NOX3: variants seen among roughly 807,000 people sequenced by gnomAD.
NOX3 encodes the protein NADPH oxidase 3.
A neutral mutation model predicts 76.7 loss-of-function variants in NOX3; 74 were observed. That is an observed-to-expected ratio of 0.96 (90% confidence interval 0.80 to 1.17). The LOEUF is 1.17. NOX3 is among the 50% of genes most tolerant of loss of function. NOX3 has a pLI of 0.00. For synonymous variants in NOX3, 263 were observed against 261.1 expected (o/e 1.01, Z -0.07); for missense variants, 695 against 703.3 (o/e 0.99, Z 0.13).
chr6:155,419,175 G>A (rs892809234), intron 10 of NOX3, among the ~76,000 whole-genome samples: 1 of 152,180 alleles, frequency 6.6e-6, no homozygotes, highest in Non-Finnish European at 1.5e-5. Flanking sequence ...AGTTACATAA[G>A]CCTAATAGTA....
chr6:155,444,891 A>C (rs1352004846), intron 4 of NOX3, among the ~76,000 whole-genome samples: 1 of 152,152 alleles, frequency 6.6e-6, no homozygotes, highest in Non-Finnish European at 1.5e-5. Context: ...TTCACACATA[A>C]ATTTGCATGT....
chr6:155,421,543 C>T (rs1347502986), intron 10 of NOX3, among the ~76,000 whole-genome samples: 2 of 152,252 alleles, frequency 1.3e-5, no homozygotes, highest in Non-Finnish European at 2.9e-5. Flanking sequence ...ATAGATGAAA[C>T]AAAACTGAAT....
intron 5 of NOX3, among the ~76,000 whole-genome samples, chr6:155,441,956 A>G (rs1165069593): frequency 6.6e-6 from 1 of 152,224 alleles, no homozygotes; most frequent in Non-Finnish European, 1.5e-5. Context: ...TGCTTCCAAT[A>G]GCTGTCAGCT....
intron 9 of NOX3, among the ~76,000 whole-genome samples, chr6:155,426,956 G>A (rs1351306825): frequency 7.3e-6 from 1 of 137,346 alleles, no homozygotes; most frequent in Non-Finnish European, 1.5e-5. Flanking sequence ...GGGAGAGCAG[G>A]GACCGAGAAA....
chr6:155,451,516 T>C (rs1777139520), intron 4 of NOX3, among the ~76,000 whole-genome samples: 1 of 152,242 alleles, frequency 6.6e-6, no homozygotes. Context: ...TTCTAATGCA[T>C]TGGTATTATT....
At chr6:155,444,407 T>A (rs1470556894) in intron 4 of NOX3, among the ~76,000 whole-genome samples, 2 of 152,216 alleles carry the variant, frequency 1.3e-5, no homozygotes, top group African/African-American at 2.4e-5. Flanking sequence ...TCCCAGTGTT[T>A]GTGTGCGAGT....
intron 9 of NOX3, among the ~76,000 whole-genome samples, chr6:155,423,328 T>C (rs1343439610): frequency 6.6e-6 from 1 of 152,186 alleles, no homozygotes; most frequent in Non-Finnish European, 1.5e-5. Flanking sequence ...CACATCTTAG[T>C]AGGTTTATGT....
At position 155,453,462 on chromosome 6, in the gene NOX3, T is replaced by G. The variant is rs570503952; in HGVS notation, c.282A>C (p.Gln94His). 1.2e-6 allele frequency: 2 copies of G among 1,613,880 alleles called. No homozygotes were observed. The highest frequency in any genetic ancestry group is 2.2e-5 in the East Asian group (1 of 44,868). ...SICCRGPWRR[Q>H]LDKNLRFHKL... is the part of the protein sequence containing the mutation. Reference sequence around the variant, plus strand: ...TGTGAAATCTGAGGTTTTTGTCTAATTGCCTCCTCCACGGTCCTCTGCAGC... The same window carrying G: ...TGTGAAATCTGAGGTTTTTGTCTAAGTGCCTCCTCCACGGTCCTCTGCAGC... Residue 94 changes from glutamine to histidine, a missense_variant, in exon 4 of 14, where the codon CAA becomes CAC. Gln to His is a conservative substitution (Grantham distance 24). Transcript: ENST00000159060.
chr6:155,419,765 TG>T (rs1431333911), intron 10 of NOX3, among the ~76,000 whole-genome samples: 2 of 152,202 alleles, frequency 1.3e-5, no homozygotes, highest in African/African-American at 4.8e-5. Context: ...ATTAAGATTT[TG>T]TAGGCTCCTG....
intron 4 of NOX3, among the ~76,000 whole-genome samples, chr6:155,448,728 T>C (rs1029733542): frequency 1.3e-5 from 2 of 152,100 alleles, no homozygotes; most frequent in African/African-American, 4.8e-5. Flanking sequence ...TTTCATTTTA[T>C]TTTTCAGGAG....
chr6:155,445,996 T>TATATGCTATATATATATATATATAA (rs1554264831), intron 4 of NOX3, among the ~76,000 whole-genome samples: 1 of 134,388 alleles, frequency 7.4e-6, no homozygotes, highest in Non-Finnish European at 1.6e-5. Context: ...TATATATATA[T>TATATGCTATATATATATATATATAA]AATATATATA....
chr6:155,452,392 A>T (rs1350993304), intron 4 of NOX3, among the ~76,000 whole-genome samples: 1 of 152,054 alleles, frequency 6.6e-6, no homozygotes, highest in Admixed American at 6.5e-5. Flanking sequence ...CCTCCCCTTT[A>T]TCTCTGAGCT....
chr6:155,398,079 C>T (rs535612901), intron 12 of NOX3, among the ~76,000 whole-genome samples: 3 of 152,134 alleles, frequency 2.0e-5, no homozygotes, highest in African/African-American at 4.8e-5. Flanking sequence ...TGTCTTTTTT[C>T]TCTTGTCTTG....
chr6:155,402,752 T>C (rs1279577663), intron 12 of NOX3, among the ~76,000 whole-genome samples: 1 of 152,214 alleles, frequency 6.6e-6, no homozygotes, highest in Non-Finnish European at 1.5e-5. Flanking sequence ...AAACTCCAGC[T>C]TTGAGTGAAC....
intron 4 of NOX3, among the ~76,000 whole-genome samples, chr6:155,445,285 G>T (rs1430374933): frequency 6.6e-6 from 1 of 152,220 alleles, no homozygotes; most frequent in Admixed American, 6.5e-5. Context: ...ACAGTGAGAA[G>T]TAGCAGGGCC....
chr6:155,401,261 T>C (rs1462370405), intron 12 of NOX3, among the ~76,000 whole-genome samples: 1 of 152,190 alleles, frequency 6.6e-6, no homozygotes, highest in Admixed American at 6.5e-5. Flanking sequence ...CCAGAGAGAT[T>C]GATGCCCTCT....
chr6:155,410,296 A>T (rs1297524461), intron 11 of NOX3, among the ~76,000 whole-genome samples: 3 of 149,346 alleles, frequency 2.0e-5, no homozygotes, highest in African/African-American at 7.4e-5. Flanking sequence ...CTATAAGGCC[A>T]GTGTGTGTGT....
chr6:155,417,003 G>A (rs747499704), intron 10 of NOX3, among the ~76,000 whole-genome samples: 5 of 151,800 alleles, frequency 3.3e-5, no homozygotes, highest in Admixed American at 1.3e-4. Flanking sequence ...CGCCCACCTC[G>A]ACCTCCCAAA....
intron 12 of NOX3, among the ~76,000 whole-genome samples, chr6:155,399,424 T>C (rs1219660159): frequency 2.0e-5 from 3 of 152,176 alleles, no homozygotes; most frequent in African/African-American, 7.2e-5. Flanking sequence ...TTTGAAGTTG[T>C]GGCTATCACA....
Sources: allele counts gnomAD v4.1 joint callset (sites outside exome capture counted in the v4.1 genomes callset), GRCh38; gene constraint gnomAD v4.1.1; transcripts MANE v1.5; gene names NCBI Gene and HGNC (gene_info 2026-07-23, HGNC 2026-07-21).